Variants in NUSAP1 observed in about 807,000 individuals in gnomAD.
NUSAP1 encodes nucleolar and spindle-associated protein 1.
A neutral mutation model predicts 52.8 loss-of-function variants in NUSAP1; 32 were observed. That is an observed-to-expected ratio of 0.61 (90% CI 0.46 to 0.81). NUSAP1 has a LOEUF of 0.81. Among genes scored for constraint, NUSAP1 ranks in the 40% least tolerant of loss-of-function variants. The pLI is 0.00. For synonymous variants in NUSAP1, 195 were observed against 183.1 expected (o/e 1.06, Z -0.52); for missense variants, 499 against 522.3 (o/e 0.96, Z 0.43).
chr15:41,363,079 G>C (rs1452111614), intron 6 of NUSAP1, among the ~76,000 whole-genome samples: 2 of 151,930 alleles, frequency 1.3e-5, no homozygotes, highest in Non-Finnish European at 2.9e-5. Context: ...CTGAGGTCAG[G>C]AGTTCAAGAC....
At chr15:41,342,265 T>C (rs918766196) in intron 1 of NUSAP1, 121 bp from the exon 2 acceptor site, 2 of 660,032 alleles carry the variant, frequency 3.0e-6, no homozygotes, top group Admixed American at 3.1e-5. Context: ...TTCTAAGTAA[T>C]GGTTCTAGTC....
intron 6 of NUSAP1, among the ~76,000 whole-genome samples, chr15:41,361,023 G>A (rs1433618383): frequency 6.6e-6 from 1 of 152,014 alleles, no homozygotes; most frequent in African/African-American, 2.4e-5. Context: ...GAACCCAGGA[G>A]GTGGAGGTTG....
intron 1 of NUSAP1, among the ~76,000 whole-genome samples, chr15:41,338,873 GA>G (rs1030838447): frequency 1.3e-5 from 2 of 151,806 alleles, no homozygotes; most frequent in African/African-American, 4.8e-5. Context: ...GATGAGGCAC[GA>G]AAATCCCTTC....
At chr15:41,346,452 C>T (rs2048572554) in intron 2 of NUSAP1, among the ~76,000 whole-genome samples, 1 of 152,074 alleles carries the variant, frequency 6.6e-6, no homozygotes, top group Non-Finnish European at 1.5e-5. Context: ...TGCAGGCACA[C>T]TCACTACACC....
intron 1 of NUSAP1, among the ~76,000 whole-genome samples, chr15:41,337,869 C>G (rs961541934): frequency 6.6e-6 from 1 of 151,528 alleles, no homozygotes; most frequent in African/African-American, 2.4e-5. Context: ...GTTGTCTTTT[C>G]TCTAACTATG....
intron 10 of NUSAP1, among the ~76,000 whole-genome samples, chr15:41,377,798 G>A (rs1411957529): frequency 2.0e-5 from 3 of 149,310 alleles, no homozygotes; most frequent in Non-Finnish European, 3.0e-5. Flanking sequence ...AGGTCAGATC[G>A]AGACCATCCT....
chr15:41,368,978 C>G (rs547436919), intron 7 of NUSAP1, among the ~76,000 whole-genome samples: 25 of 152,036 alleles, frequency 1.6e-4, no homozygotes, highest in African/African-American at 6.0e-4. Context: ...TCTAGAAATC[C>G]TGGCCTCAAG....
chr15:41,378,225 C>T (rs1189823437), intron 10 of NUSAP1, among the ~76,000 whole-genome samples: 1 of 152,132 alleles, frequency 6.6e-6, no homozygotes, highest in Non-Finnish European at 1.5e-5. Flanking sequence ...CCCAGCAGCC[C>T]AGGGCACCTA....
At chr15:41,354,190 C>A (rs900695102) in intron 4 of NUSAP1, among the ~76,000 whole-genome samples, 4 of 152,080 alleles carry the variant, frequency 2.6e-5, no homozygotes, top group African/African-American at 9.7e-5. Flanking sequence ...AGCTGGGCAA[C>A]GTAGTGAGAC....
At chr15:41,334,971 G>A (rs1446625762) in intron 1 of NUSAP1, among the ~76,000 whole-genome samples, 3 of 152,146 alleles carry the variant, frequency 2.0e-5, no homozygotes, top group African/African-American at 4.8e-5. Context: ...ACAGAAGAAT[G>A]TTAATAATTA....
intron 1 of NUSAP1, among the ~76,000 whole-genome samples, chr15:41,338,952 G>A (rs184622782): frequency 8.6e-5 from 13 of 151,794 alleles, no homozygotes; most frequent in Admixed American, 2.0e-4. Context: ...GCGACAGAGC[G>A]AGACTCTGTC....
intron 10 of NUSAP1, among the ~76,000 whole-genome samples, chr15:41,379,579 C>T (rs1311323194): frequency 6.6e-6 from 1 of 152,166 alleles, no homozygotes; most frequent in Non-Finnish European, 1.5e-5. Flanking sequence ...CAGTCTCATT[C>T]TGTCGCCCAG....
rs1292418920 is a variant in NUSAP1 at position 41,340,226 on chromosome 15, G to A, written c.94-2160G>A. Among the ~76,000 whole-genome samples the A allele has an allele frequency of 2.6e-5, 4 of 151,920 alleles. No homozygotes were observed. The East Asian group carries it at 7.7e-4, about 29-fold the overall frequency. ...TTTCAACTCATGAGTCCACCTCAGG[G>A]CTCCTGTTCTTGGCGCTCGCTCTGC... On this transcript the variant is annotated intron_variant, in intron 1 of 10. Coordinates refer to ENST00000559596, the MANE Select transcript of NUSAP1 (RefSeq NM_016359.5).
In NUSAP1 at chr15:41,380,540, T is replaced by C. The variant is rs149301715; in HGVS notation, c.*354T>C. On this transcript the variant is annotated 3_prime_UTR_variant, in exon 11 of 11. Coordinates refer to ENST00000559596, the MANE Select transcript of NUSAP1 (RefSeq NM_016359.5). ...CTTCTGCTAGCCAATAGCATTTACC[T>C]GATGGCAGCTAGTTATGCAAGCTTC... is the stretch of plus-strand genomic sequence containing the variant. The C allele has an allele frequency of 1.2e-3, 211 of 178,412 alleles. No homozygotes were observed. Among genetic ancestry groups the C allele is most frequent in the African/African-American group, 4.5e-3 (190 of 41,868 alleles). The allele number at this position is 178,412 out of a possible 1,614,324, so 11.1% of individuals were successfully genotyped here.
At chr15:41,374,178 G>T (rs74440033) in intron 8 of NUSAP1, among the ~76,000 whole-genome samples, 6,148 of 152,158 alleles carry the variant, frequency 0.04, 243 homozygotes, top group African/African-American at 0.1. Flanking sequence ...TATTCATGTA[G>T]ATTGTCTTAG....
chr15:41,380,006 A>T (rs1423728845), intron 10 of NUSAP1, 87 bp from the exon 11 acceptor site: 2 of 889,168 alleles, frequency 2.2e-6, no homozygotes, highest in Non-Finnish European at 3.5e-6. Flanking sequence ...ATTGCTTGGA[A>T]GTTTGGGTGT....
rs1266850967 is a variant in NUSAP1 at position 41,356,045 on chromosome 15, G to C, written c.455G>C (p.Arg152Thr). The change falls in exon 5 of 11, where the codon AGA becomes ACA. Residue 152 changes from arginine to threonine, a missense_variant. Coordinates refer to ENST00000559596, the MANE Select transcript of NUSAP1 (RefSeq NM_016359.5). ...TCTGTGTCTTTGGATTTAGGTAACA[G>C]AGATTCAAAGGTACCTTCAGAAGGA... ...EAENAVSSGN[R>T]DSKVPSEGKK... 5 of 1,587,422 alleles carry C rather than the reference G, an allele frequency of 3.1e-6. No homozygotes were observed. Among genetic ancestry groups the C allele is most frequent in the African/African-American group, 1.3e-5 (1 of 74,392 alleles).
rs746462891 is a variant in NUSAP1 at position 41,380,144 on chromosome 15, G to T, written c.1284G>T (p.Lys428Asn). 6.3e-6 allele frequency: 10 copies of T among 1,588,116 alleles called. No homozygotes were observed. In the South Asian group the frequency reaches 1.2e-4, roughly 18 times the overall value. The change falls in exon 11 of 11, where the codon AAG (lysine) becomes AAT (asparagine). Residue 428 changes from lysine to asparagine, a missense_variant. By Grantham distance (94) the Lys-to-Asn change is moderately conservative. Coordinates refer to ENST00000559596, the MANE Select transcript of NUSAP1 (RefSeq NM_016359.5). ...AAGAACGAAAGGAGAAGAAAGCAAAGGTTTTGGGAATGCGAAGGGGCCTCA... is the reference window on the plus strand; with the variant it reads ...AAGAACGAAAGGAGAAGAAAGCAAATGTTTTGGGAATGCGAAGGGGCCTCA... ...REQERKEKKA[K>N]VLGMRRGLIL...
At chr15:41,357,260 T>A (rs1344881900) in intron 5 of NUSAP1, among the ~76,000 whole-genome samples, 1 of 151,686 alleles carries the variant, frequency 6.6e-6, no homozygotes, top group Non-Finnish European at 1.5e-5. Flanking sequence ...CCCAGCTACT[T>A]GGGAAGCTGA....
Sources: gnomAD v4.1 joint callset for allele counts (sites outside exome capture counted in the v4.1 genomes callset) on GRCh38, gnomAD v4.1.1 for gene constraint, MANE v1.5 for transcripts, NCBI Gene and HGNC (gene_info 2026-07-23, HGNC 2026-07-21) for gene names.